Variants in DLGAP1 observed in about 807,000 individuals in gnomAD.
DLGAP1 encodes disks large-associated protein 1.
DLGAP1 carries 11 observed loss-of-function variants against 90.8 expected under a neutral mutation model. The observed-to-expected ratio is 0.12, with a 90% CI of 0.08 to 0.20. DLGAP1 has a LOEUF of 0.20. Ranked by LOEUF, DLGAP1 falls within the 10% of genes least tolerant of loss-of-function variation. The probability of loss-of-function intolerance (pLI) is 1.00; values close to 1 mark genes in which losing one functional copy is unlikely to be tolerated. For synonymous variants in DLGAP1, 558 were observed against 540.7 expected (o/e 1.03, Z -0.44); for missense variants, 1,050 against 1,333.8 (o/e 0.79, Z 3.31).
chr18:3,663,655 G>T (rs549184562), intron 7 of DLGAP1, among the ~76,000 whole-genome samples: 1 of 152,310 alleles, frequency 6.6e-6, no homozygotes, highest in African/African-American at 2.4e-5. Context: ...GCCAATTACA[G>T]GTGCTCTAGT....
At chr18:3,621,647 T>C (rs2146035814) in intron 7 of DLGAP1, among the ~76,000 whole-genome samples, 1 of 152,352 alleles carries the variant, frequency 6.6e-6, no homozygotes, top group Middle Eastern at 3.4e-3. Flanking sequence ...CTTTCCTTTT[T>C]CTGTCTATAA....
At chr18:3,784,939 C>T (rs960586437) in intron 5 of DLGAP1, among the ~76,000 whole-genome samples, 5 of 152,136 alleles carry the variant, frequency 3.3e-5, no homozygotes, top group African/African-American at 1.2e-4. Flanking sequence ...ATCATACAAC[C>T]ACGCTCCTGC....
chr18:3,872,559 C>G lies in DLGAP1; in HGVS notation c.957+6553G>C, dbSNP rs1027912809. ...CTAAGACAGATTGTTGTCTTTGAACCTAAACCCAAAGTGGTGGAAAACATA... is the reference window on the plus strand; with the variant it reads ...CTAAGACAGATTGTTGTCTTTGAACGTAAACCCAAAGTGGTGGAAAACATA... On this transcript the variant is annotated intron_variant, in intron 4 of 12. Transcript: ENST00000315677. 3.3e-5 allele frequency among the ~76,000 whole-genome samples: 5 copies of G among 152,186 alleles called. No individual in the cohort carries two copies. The East Asian group carries it at 7.7e-4, about 24-fold the overall frequency.
chr18:3,504,183 GAAGA>G (rs1386846623), intron 11 of DLGAP1, among the ~76,000 whole-genome samples: 1 of 152,076 alleles, frequency 6.6e-6, no homozygotes, highest in Non-Finnish European at 1.5e-5. Context: ...AAGTTCATTA[GAAGA>G]AATAAATTTT....
At chr18:4,177,218 C>G (rs1297045961) in intron 1 of DLGAP1, among the ~76,000 whole-genome samples, 1 of 152,136 alleles carries the variant, frequency 6.6e-6, no homozygotes, top group African/African-American at 2.4e-5. Context: ...TGCAAATCTT[C>G]CCTTTCTCAC....
chr18:4,354,283 C>A (rs146365568), intron 1 of DLGAP1, among the ~76,000 whole-genome samples: 2 of 152,096 alleles, frequency 1.3e-5, no homozygotes, highest in African/African-American at 4.8e-5. Flanking sequence ...AAACCTAGAA[C>A]GATTACTCTA....
chr18:3,743,603 C>A (rs765992477), intron 5 of DLGAP1, among the ~76,000 whole-genome samples: 19 of 151,982 alleles, frequency 1.3e-4, no homozygotes, highest in Non-Finnish European at 2.5e-4. Flanking sequence ...ATCCGCCCAC[C>A]TCGGCCTCCC....
In DLGAP1 at chr18:4,134,860, T is replaced by A. The variant is rs866241310; in HGVS notation, c.-159+16320A>T. ...AGCATGTGCACCAACACGCTGTATT[T>A]GTCAACACACACAATGCCTTCCTAG... On this transcript the variant is annotated intron_variant, in intron 2 of 12. Coordinates refer to ENST00000315677, the MANE Select transcript of DLGAP1 (RefSeq NM_004746.4). Among the ~76,000 whole-genome samples the A allele has an allele frequency of 2.6e-5, 4 of 152,206 alleles. No homozygotes were observed. In the Middle Eastern group the frequency reaches 0.01, roughly 388 times the overall value.
At chr18:4,037,366 T>G (rs1432573801) in intron 2 of DLGAP1, among the ~76,000 whole-genome samples, 1 of 152,178 alleles carries the variant, frequency 6.6e-6, no homozygotes, top group Non-Finnish European at 1.5e-5. Context: ...TTTCAATTCA[T>G]GCACATAACC....
At chr18:3,602,267 G>A (rs933998290) in intron 7 of DLGAP1, among the ~76,000 whole-genome samples, 1 of 151,840 alleles carries the variant, frequency 6.6e-6, no homozygotes, top group South Asian at 2.1e-4. Context: ...CCAGATAACC[G>A]AGACAGTGCA....
chr18:3,832,425 T>G (rs1305544310), intron 4 of DLGAP1, among the ~76,000 whole-genome samples: 1 of 152,202 alleles, frequency 6.6e-6, no homozygotes, highest in Admixed American at 6.5e-5. Flanking sequence ...CTAGTAACGA[T>G]GCTGGCTTTC....
chr18:4,270,911 A>G (rs548038939), intron 1 of DLGAP1, among the ~76,000 whole-genome samples: 2 of 152,072 alleles, frequency 1.3e-5, no homozygotes, highest in Non-Finnish European at 2.9e-5. Flanking sequence ...ATGTCCTTTT[A>G]TTGTTTGATC....
In DLGAP1 at chr18:3,726,656, CTG is replaced by C. The variant is rs1291304045; in HGVS notation, c.1591+2477_1591+2478del. On this transcript the variant is annotated intron_variant, in intron 7 of 12. Coordinates refer to ENST00000315677, the MANE Select transcript of DLGAP1 (RefSeq NM_004746.4). Reference sequence around the variant, plus strand: ...CTACTATAATGGTTTAGTACTTAAACTGTTTATTTTTCCACACCTGTAAAGAT... The same window carrying C: ...CTACTATAATGGTTTAGTACTTAAACTTTATTTTTCCACACCTGTAAAGAT... Among the ~76,000 whole-genome samples the C allele has an allele frequency of 2.0e-5, 3 of 152,316 alleles. No homozygotes were observed. The East Asian group carries it at 5.8e-4, about 29-fold the overall frequency.
intron 7 of DLGAP1, among the ~76,000 whole-genome samples, chr18:3,583,358 G>GT (rs2055683130): frequency 1.4e-5 from 2 of 144,268 alleles, no homozygotes; most frequent in African/African-American, 5.2e-5. Context: ...CTCTCTCTCC[G>GT]TCTCCCTCTT....
chr18:3,837,606 C>T (rs1296913621), intron 4 of DLGAP1, among the ~76,000 whole-genome samples: 2 of 152,058 alleles, frequency 1.3e-5, no homozygotes, highest in African/African-American at 2.4e-5. Context: ...TCTAGCACTT[C>T]GGGAGGCCGA....
At chr18:4,450,496 G>T (rs998326292) in intron 1 of DLGAP1, among the ~76,000 whole-genome samples, 1 of 152,174 alleles carries the variant, frequency 6.6e-6, no homozygotes, top group African/African-American at 2.4e-5. Context: ...AGCCGCCTGA[G>T]GGAGCCATTT....
intron 2 of DLGAP1, among the ~76,000 whole-genome samples, chr18:4,043,552 ATTTAT>A (rs1057000922): frequency 7.2e-4 from 109 of 152,168 alleles, no homozygotes; most frequent in African/African-American, 2.3e-3. Flanking sequence ...CATCTTATTT[ATTTAT>A]TTATTTATTT....
chr18:3,551,343 A>G (rs1398821160), intron 9 of DLGAP1, among the ~76,000 whole-genome samples: 3 of 151,634 alleles, frequency 2.0e-5, no homozygotes, highest in Non-Finnish European at 4.4e-5. Flanking sequence ...TCCACCTCCC[A>G]GGTTCCACGA....
At chr18:3,795,371 A>C (rs2065940579) in intron 5 of DLGAP1, among the ~76,000 whole-genome samples, 1 of 151,890 alleles carries the variant, frequency 6.6e-6, no homozygotes, top group African/African-American at 2.4e-5. Context: ...GCTGGAGTGC[A>C]GTGGCATGAT....
Sources: allele counts gnomAD v4.1 joint callset (sites outside exome capture counted in the v4.1 genomes callset), GRCh38; gene constraint gnomAD v4.1.1; transcripts MANE v1.5; gene names NCBI Gene and HGNC (gene_info 2026-07-23, HGNC 2026-07-21).